The following NTRK2 variants were observed in gnomAD, a reference collection of about 807,000 sequenced individuals.
NTRK2 encodes BDNF/NT-3 growth factors receptor.
Under a neutral mutation model 94.5 loss-of-function variants are expected in NTRK2, and 13 were observed. The ratio of observed to expected loss-of-function variants is 0.14; its 90% CI spans 0.09 to 0.22. NTRK2 has a LOEUF of 0.22. NTRK2 is among the 10% of genes least tolerant of loss of function. NTRK2 has a pLI of 1.00. For missense variants in NTRK2, 639 were observed against 1,071.2 expected (o/e 0.60, Z 5.63); for synonymous variants, 372 against 407.4 (o/e 0.91, Z 1.05).
intron 14 of NTRK2, among the ~76,000 whole-genome samples, chr9:84,910,806 C>T (rs900342700): frequency 4.6e-5 from 7 of 152,228 alleles, no homozygotes; most frequent in Non-Finnish European, 7.4e-5. Flanking sequence ...AAATCAGGTG[C>T]GTAAGTTTTA....
intron 16 of NTRK2, among the ~76,000 whole-genome samples, chr9:84,949,384 C>T (rs992151819): frequency 5.3e-5 from 8 of 152,154 alleles, no homozygotes; most frequent in African/African-American, 1.9e-4. Context: ...TAAAGGGAGT[C>T]ACTGGGCTAT....
Position 85,022,727 on chromosome 9 carries a change from A to C in NTRK2, c.*1290A>C. Reference sequence around the variant, plus strand: ...GCAGATCCATAAAAAGGTATGACTTATACAATTAGGGGAAGCTAATGGAGT... The same window carrying C: ...GCAGATCCATAAAAAGGTATGACTTCTACAATTAGGGGAAGCTAATGGAGT... On this transcript the variant is annotated 3_prime_UTR_variant, in exon 19 of 19. Coordinates refer to ENST00000277120, the MANE Select transcript of NTRK2 (RefSeq NM_006180.6). The C allele has an allele frequency of 8.6e-6, 2 of 233,156 alleles. No homozygotes were observed. The highest frequency in any genetic ancestry group is 1.2e-4 in the East Asian group (2 of 16,598). The allele number at this position is 233,156 out of a possible 1,614,324, so 14.4% of individuals were successfully genotyped here.
intron 12 of NTRK2, among the ~76,000 whole-genome samples, chr9:84,771,470 G>A (rs1028560682): frequency 6.6e-6 from 1 of 152,156 alleles, no homozygotes; most frequent in Admixed American, 6.5e-5. Context: ...CTTCCTTCTA[G>A]TGTCCGTATT....
chr9:84,844,191 TG>T (rs983045503), intron 12 of NTRK2, among the ~76,000 whole-genome samples: 1 of 152,160 alleles, frequency 6.6e-6, no homozygotes, highest in African/African-American at 2.4e-5. Flanking sequence ...GCATGGCGGA[TG>T]GACCAGAGGA....
chr9:84,954,717 A>G (rs373533801), intron 16 of NTRK2, among the ~76,000 whole-genome samples: 2 of 152,186 alleles, frequency 1.3e-5, no homozygotes, highest in East Asian at 3.9e-4. Context: ...GCCACAGATC[A>G]GGTGGACTAT....
chr9:84,889,181 G>A (rs1393650023), intron 14 of NTRK2, among the ~76,000 whole-genome samples: 2 of 149,186 alleles, frequency 1.3e-5, no homozygotes, highest in Admixed American at 6.8e-5. Context: ...TAGTAGAGAC[G>A]GGGTTTCACC....
intron 13 of NTRK2, among the ~76,000 whole-genome samples, chr9:84,862,266 T>C (rs1287546500): frequency 6.6e-6 from 1 of 152,206 alleles, no homozygotes; most frequent in East Asian, 1.9e-4. Flanking sequence ...TTTGCCAAGA[T>C]ATCAGAGGGA....
chr9:84,770,317 G>A (rs1398575662), intron 12 of NTRK2, among the ~76,000 whole-genome samples: 1 of 152,060 alleles, frequency 6.6e-6, no homozygotes, highest in Non-Finnish European at 1.5e-5. Flanking sequence ...TTAAGACTGG[G>A]CAAACTCTGT....
At position 84,670,593 on chromosome 9, in the gene NTRK2, C is replaced by T. The variant is rs550779213; in HGVS notation, c.-156C>T. 4 of 755,708 alleles carry T rather than the reference C, an allele frequency of 5.3e-6. No homozygotes were observed. In the East Asian group the frequency reaches 7.5e-5, roughly 14 times the overall value. 46.8% of individuals were successfully genotyped at this position (755,708 alleles called of 1,614,324 possible). On this transcript the variant is annotated 5_prime_UTR_variant, in exon 2 of 19. Transcript: ENST00000277120. ...TGCCGGAACACTCTTCGCTCCGGAC[C>T]AGCTCAGCCTCTGATAAGCTGGACT...
chr9:84,990,232 A>C (rs527380129), intron 17 of NTRK2, among the ~76,000 whole-genome samples: 2 of 152,342 alleles, frequency 1.3e-5, no homozygotes, highest in Admixed American at 1.3e-4. Flanking sequence ...ATATTTGTTG[A>C]AATGAAATGA....
chr9:84,968,955 G>A (rs1825874912), intron 17 of NTRK2, among the ~76,000 whole-genome samples: 1 of 152,136 alleles, frequency 6.6e-6, no homozygotes, highest in Non-Finnish European at 1.5e-5. Flanking sequence ...TTTTTGGCAT[G>A]GGCCCAAGAT....
intron 12 of NTRK2, among the ~76,000 whole-genome samples, chr9:84,792,164 G>T (rs974052506): frequency 2.0e-5 from 3 of 152,182 alleles, no homozygotes; most frequent in Non-Finnish European, 2.9e-5. Flanking sequence ...ACTGTTTAAT[G>T]AGGCAGATCC....
At chr9:84,801,994 G>A (rs1341828005) in intron 12 of NTRK2, among the ~76,000 whole-genome samples, 1 of 152,172 alleles carries the variant, frequency 6.6e-6, no homozygotes, top group African/African-American at 2.4e-5. Flanking sequence ...GTTCTTTAAG[G>A]AGATGATGAT....
chr9:84,925,010 T>A (rs2077706281), intron 14 of NTRK2, among the ~76,000 whole-genome samples: 1 of 152,086 alleles, frequency 6.6e-6, no homozygotes, highest in African/African-American at 2.4e-5. Context: ...CCCTTGGGAA[T>A]CTCTGAAGGT....
intron 14 of NTRK2, chr9:84,874,424 G>C: frequency 9.4e-7 from 1 of 1,065,826 alleles, no homozygotes; most frequent in Non-Finnish European, 1.1e-6. Context: ...CAGCCTGTGA[G>C]AGTAACCACC....
intron 14 of NTRK2, among the ~76,000 whole-genome samples, chr9:84,871,266 A>C (rs1421327429): frequency 6.6e-6 from 1 of 152,196 alleles, no homozygotes; most frequent in African/African-American, 2.4e-5. Context: ...TGGGCTAGTG[A>C]GGGCCATGCT....
At chr9:84,995,202 G>A (rs1829590699) in intron 17 of NTRK2, among the ~76,000 whole-genome samples, 1 of 152,158 alleles carries the variant, frequency 6.6e-6, no homozygotes, top group East Asian at 1.9e-4. Context: ...TCTACTGCCA[G>A]CATGTGCTGT....
At chr9:84,939,802 C>T (rs951162842) in intron 15 of NTRK2, among the ~76,000 whole-genome samples, 7 of 152,154 alleles carry the variant, frequency 4.6e-5, no homozygotes, top group African/African-American at 7.2e-5. Flanking sequence ...CTTTCAGGCA[C>T]CACTAGATCC....
chr9:85,007,269 A>C (rs1016095736), intron 17 of NTRK2, among the ~76,000 whole-genome samples: 7 of 152,242 alleles, frequency 4.6e-5, no homozygotes, highest in African/African-American at 1.7e-4. Context: ...ATTGAAGAGC[A>C]GCACGTTTGA....
Sources: gnomAD v4.1 joint callset for allele counts (sites outside exome capture counted in the v4.1 genomes callset) on GRCh38, gnomAD v4.1.1 for gene constraint, MANE v1.5 for transcripts, NCBI Gene and HGNC (gene_info 2026-07-23, HGNC 2026-07-21) for gene names.